Variants in WWP2 observed in about 807,000 individuals in gnomAD.
WWP2 encodes the protein WW domain containing E3 ubiquitin protein ligase 2.
WWP2 carries 57 observed loss-of-function variants against 121.0 expected under a neutral mutation model. The ratio of observed to expected loss-of-function variants is 0.47; its 90% CI spans 0.38 to 0.59. WWP2 has a LOEUF of 0.59. WWP2 is among the 20% of genes least tolerant of loss of function. WWP2 has a pLI of 0.00. For synonymous variants in WWP2, 449 were observed against 441.3 expected (o/e 1.02, Z -0.22); for missense variants, 962 against 1,158.9 (o/e 0.83, Z 2.47).
chr16:69,910,871 T>C (rs2058369576), intron 9 of WWP2, among the ~76,000 whole-genome samples: 1 of 152,208 alleles, frequency 6.6e-6, no homozygotes, highest in South Asian at 2.1e-4. Flanking sequence ...CTAATCAAGC[T>C]GTCTTATTTC....
At chr16:69,843,857 T>TA (rs1007650923) in intron 6 of WWP2, among the ~76,000 whole-genome samples, 46 of 151,404 alleles carry the variant, frequency 3.0e-4, no homozygotes, top group Middle Eastern at 6.8e-3. Context: ...ACTATGTCTG[T>TA]AAAAAAAACA....
chr16:69,847,803 C>A (rs1385808565), intron 6 of WWP2, among the ~76,000 whole-genome samples: 4 of 152,128 alleles, frequency 2.6e-5, no homozygotes, highest in African/African-American at 9.7e-5. Flanking sequence ...GGGATCCACC[C>A]CCATGACCTA....
rs141794731 is a variant in WWP2, at chr16:69,908,784, A to G, written c.938A>G (p.Asn313Ser). The change falls in exon 9 of 24, where the codon AAC becomes AGC. Residue 313 changes from asparagine to serine, a missense_variant. Transcript: ENST00000359154. Reference protein sequence around the residue: ...PAGWEQRELPNGRVYYVDHNT... With the variant: ...PAGWEQRELPSGRVYYVDHNT... The stretch of plus-strand genomic sequence containing the variant: ...AGATGGGAACAGCGAGAGCTGCCCA[A>G]CGGACGTGTCTATTATGTTGACCAC... 7.3e-4 allele frequency: 1,175 copies of G among 1,614,192 alleles called. 1 individual carries two copies. Among genetic ancestry groups the G allele is most frequent in the Non-Finnish European group, 9.4e-4 (1,114 of 1,180,024 alleles).
intron 7 of WWP2, among the ~76,000 whole-genome samples, chr16:69,886,782 A>G (rs1456966517): frequency 6.6e-6 from 1 of 152,188 alleles, no homozygotes; most frequent in East Asian, 1.9e-4. Flanking sequence ...CCCCTCACCA[A>G]CTTTCTGGCA....
intron 10 of WWP2, among the ~76,000 whole-genome samples, chr16:69,919,219 G>A (rs1317810968): frequency 6.6e-6 from 1 of 152,264 alleles, no homozygotes. Context: ...AAGCTGGAGT[G>A]CAATGGCATG....
intron 4 of WWP2, among the ~76,000 whole-genome samples, chr16:69,820,823 T>TACACACACAC (rs568569436): frequency 8.1e-6 from 1 of 122,934 alleles, no homozygotes; most frequent in Non-Finnish European, 1.8e-5. Flanking sequence ...AATACATGCA[T>TACACACACAC]ATACACACAC....
intron 11 of WWP2, among the ~76,000 whole-genome samples, chr16:69,927,652 C>T (rs1215812961): frequency 6.6e-6 from 1 of 152,234 alleles, no homozygotes. Context: ...GGCTTTGGCC[C>T]TTAACAGGGC....
chr16:69,843,889 A>G (rs2057022969), intron 6 of WWP2, among the ~76,000 whole-genome samples: 1 of 152,084 alleles, frequency 6.6e-6, no homozygotes, highest in African/African-American at 2.4e-5. Flanking sequence ...AAACTTCCCA[A>G]ACAGACCCTA....
In WWP2 at chr16:69,798,834, G is replaced by C. The variant is rs772152932; in HGVS notation, c.218+5G>C. On this transcript the variant is annotated splice_donor_5th_base_variant and intron_variant, in intron 3 of 23. Coordinates refer to ENST00000359154, the MANE Select transcript of WWP2 (RefSeq NM_001270454.2). Reference sequence around the variant, plus strand: ...CTGGAATGAGATCATCATTTTGTAAGAGAAAGCCCCTTCTTTTTGAACGCA... The same window carrying C: ...CTGGAATGAGATCATCATTTTGTAACAGAAAGCCCCTTCTTTTTGAACGCA... 6.2e-7 allele frequency: 1 copy of C among 1,613,550 alleles called. No individual in the cohort carries two copies. Among genetic ancestry groups the C allele is most frequent in the Admixed American group, 1.7e-5 (1 of 59,930 alleles).
At chr16:69,867,838 C>G (rs1253572622) in intron 6 of WWP2, among the ~76,000 whole-genome samples, 1 of 152,190 alleles carries the variant, frequency 6.6e-6, no homozygotes, top group African/African-American at 2.4e-5. Flanking sequence ...CTCGTCCCCT[C>G]CCCCTAAATG....
chr16:69,915,347 G>A (rs6499272), intron 9 of WWP2, among the ~76,000 whole-genome samples: 114,787 of 151,834 alleles, frequency 0.76, 44,306 homozygotes, highest in East Asian at 0.96. Context: ...GGGATGGAAT[G>A]CAATACCTAT....
intron 1 of WWP2, among the ~76,000 whole-genome samples, chr16:69,768,600 A>T (rs181777416): frequency 7.4e-4 from 113 of 152,258 alleles, no homozygotes; most frequent in Non-Finnish European, 1.1e-3. Flanking sequence ...ACAAGAGCGA[A>T]ACTCCTTCTC....
chr16:69,939,489 G>T, intron 23 of WWP2, 76 bp downstream of exon 23: 1 of 1,499,466 alleles, frequency 6.7e-7, no homozygotes. Flanking sequence ...AGTGGGTGTA[G>T]CAGCTTCATA....
chr16:69,847,257 G>A (rs2151882785), intron 6 of WWP2, among the ~76,000 whole-genome samples: 1 of 150,956 alleles, frequency 6.6e-6, no homozygotes, highest in South Asian at 2.1e-4. Context: ...ACTAATTTTT[G>A]CATTTTTAGT....
chr16:69,851,780 A>G (rs892390246), intron 6 of WWP2, among the ~76,000 whole-genome samples: 1 of 152,090 alleles, frequency 6.6e-6, no homozygotes, highest in Non-Finnish European at 1.5e-5. Flanking sequence ...AGAGATCCAG[A>G]CCATCCTGGC....
At chr16:69,806,419 TA>T (rs1333509906) in intron 4 of WWP2, among the ~76,000 whole-genome samples, 6 of 152,210 alleles carry the variant, frequency 3.9e-5, no homozygotes, top group Non-Finnish European at 7.3e-5. Context: ...AAGGCCAAGC[TA>T]ATTTTATAAA....
intron 2 of WWP2, among the ~76,000 whole-genome samples, chr16:69,794,021 G>A (rs1022997858): frequency 1.3e-5 from 2 of 148,224 alleles, no homozygotes; most frequent in South Asian, 2.2e-4. Flanking sequence ...GGGTTCAAGC[G>A]ATTCTCGTGT....
At chr16:69,887,354 A>G (rs1340663365) in intron 7 of WWP2, among the ~76,000 whole-genome samples, 1 of 152,214 alleles carries the variant, frequency 6.6e-6, no homozygotes, top group Non-Finnish European at 1.5e-5. Context: ...AATTTAAAGA[A>G]AAGGATGTGA....
chr16:69,838,609 G>C (rs2056920218), intron 4 of WWP2: 1 of 348,090 alleles, frequency 2.9e-6, no homozygotes, highest in Non-Finnish European at 4.0e-6. Flanking sequence ...GCTGGGGCTG[G>C]AGCAGCTGCT....
Sources: gnomAD v4.1 joint callset for allele counts (sites outside exome capture counted in the v4.1 genomes callset) on GRCh38, gnomAD v4.1.1 for gene constraint, MANE v1.5 for transcripts, NCBI Gene and HGNC (gene_info 2026-07-23, HGNC 2026-07-21) for gene names.